Variants in MALRD1 observed in about 807,000 individuals in gnomAD.
MALRD1 encodes the protein MAM and LDL receptor class A domain containing 1.
A neutral mutation model predicts 242.1 loss-of-function variants in MALRD1; 247 were observed. The ratio of observed to expected loss-of-function variants is 1.02; its 90% CI spans 0.92 to 1.13. MALRD1 has a LOEUF of 1.13. Ranked by LOEUF, MALRD1 falls within the 50% of genes most tolerant of loss-of-function variation. The pLI is 0.00. For synonymous variants in MALRD1, 995 were observed against 866.6 expected (o/e 1.15, Z -2.60); for missense variants, 2,989 against 2,533.1 (o/e 1.18, Z -3.86).
intron 13 of MALRD1, among the ~76,000 whole-genome samples, chr10:19,172,587 T>TC (rs1163910670): frequency 2.0e-5 from 3 of 151,494 alleles, no homozygotes; most frequent in Non-Finnish European, 4.4e-5. Context: ...CTTCACCTCA[T>TC]CCCAGGGCCC....
chr10:19,191,750 C>G (rs947368925), intron 14 of MALRD1, among the ~76,000 whole-genome samples: 8 of 152,120 alleles, frequency 5.3e-5, no homozygotes, highest in African/African-American at 1.9e-4. Flanking sequence ...GTAATCCTAG[C>G]ACTTTGGGAG....
rs114288032 is a variant in MALRD1 at position 19,116,387 on chromosome 10, A to G, written c.695-7105A>G. On this transcript the variant is annotated intron_variant, in intron 5 of 39. Transcript: ENST00000454679. ...TTATTAGAATCTGAATGATGCATAT[A>G]TATTATCCAGTTAAATAACTAAGGA... Among the ~76,000 whole-genome samples the G allele has an allele frequency of 9.6e-3, 1,455 of 152,326 alleles. 28 individuals are homozygous for G. Among genetic ancestry groups the G allele is most frequent in the African/African-American group, 0.034 (1,395 of 41,574 alleles).
At chr10:19,138,593 G>A (rs1833437529) in intron 10 of MALRD1, among the ~76,000 whole-genome samples, 1 of 151,712 alleles carries the variant, frequency 6.6e-6, no homozygotes, top group Admixed American at 6.6e-5. Context: ...GATAATTTTT[G>A]TATTTTTAGT....
chr10:19,435,159 T>G, intron 28 of MALRD1, among the ~76,000 whole-genome samples: 1 of 149,886 alleles, frequency 6.7e-6, no homozygotes, highest in South Asian at 2.1e-4. Context: ...TAATATCCTA[T>G]TTATATATAG....
chr10:19,049,342 A>G (rs546777441), intron 1 of MALRD1, among the ~76,000 whole-genome samples: 1 of 152,298 alleles, frequency 6.6e-6, no homozygotes, highest in African/African-American at 2.4e-5. Flanking sequence ...GAAGATATTC[A>G]CCTGATGGAA....
At chr10:19,529,778 A>G (rs10219024) in intron 31 of MALRD1, among the ~76,000 whole-genome samples, 15,144 of 152,100 alleles carry the variant, frequency 0.1, 2,286 homozygotes, top group African/African-American at 0.33. Flanking sequence ...ATGGAGAAAC[A>G]TATACCATGC....
intron 19 of MALRD1, among the ~76,000 whole-genome samples, chr10:19,273,261 G>C (rs1440862166): frequency 2.0e-5 from 3 of 152,064 alleles, no homozygotes; most frequent in African/African-American, 7.2e-5. Flanking sequence ...CAAGGATGTG[G>C]AGCAACAGGA....
At chr10:19,067,625 A>G (rs1362644170) in intron 2 of MALRD1, among the ~76,000 whole-genome samples, 1 of 152,130 alleles carries the variant, frequency 6.6e-6, no homozygotes, top group Non-Finnish European at 1.5e-5. Flanking sequence ...CAGTGTTTTC[A>G]TAAATATTAC....
chr10:19,096,485 G>A (rs762536270), intron 4 of MALRD1, among the ~76,000 whole-genome samples: 7 of 152,090 alleles, frequency 4.6e-5, no homozygotes, highest in South Asian at 2.1e-4. Context: ...CGACTCTCTC[G>A]GGATCCTTCG....
chr10:19,276,665 A>C (rs1284950548), intron 19 of MALRD1, among the ~76,000 whole-genome samples: 1 of 151,874 alleles, frequency 6.6e-6, no homozygotes, highest in African/African-American at 2.4e-5. Context: ...TCCCTTTTTA[A>C]TTTTTTTTCA....
rs370420082 is a variant in MALRD1 at position 19,120,714 on chromosome 10, A to G, written c.695-2778A>G. 4.7e-4 allele frequency among the ~76,000 whole-genome samples: 72 copies of G among 152,302 alleles called. No individual in the cohort carries two copies. In the South Asian group the frequency reaches 0.015, roughly 31 times the overall value. On this transcript the variant is annotated intron_variant, in intron 5 of 39. Transcript: ENST00000454679. The stretch of plus-strand genomic sequence containing the variant: ...TAGTTTGATGATTGCACAACATTTC[A>G]AATTTAATAAAAGCCACTGACTTGT...
At chr10:19,708,386 A>G (rs1441638466) in intron 38 of MALRD1, among the ~76,000 whole-genome samples, 2 of 102,628 alleles carry the variant, frequency 1.9e-5, no homozygotes, top group African/African-American at 6.2e-5. Flanking sequence ...TGCCCATGCT[A>G]AAGTGCAAGG....
At chr10:19,669,830 A>T (rs1841833387) in intron 36 of MALRD1, among the ~76,000 whole-genome samples, 1 of 152,180 alleles carries the variant, frequency 6.6e-6, no homozygotes, top group Non-Finnish European at 1.5e-5. Context: ...GCTTGGAGGC[A>T]GTGAGTGAAT....
chr10:19,376,028 AG>A (rs1216893611), intron 26 of MALRD1, among the ~76,000 whole-genome samples: 19 of 152,140 alleles, frequency 1.2e-4, no homozygotes, highest in Non-Finnish European at 2.8e-4. Context: ...AGGCTGAGGC[AG>A]GGGAATTGGT....
At chr10:19,255,969 T>G (rs1323172526) in intron 18 of MALRD1, among the ~76,000 whole-genome samples, 1 of 151,900 alleles carries the variant, frequency 6.6e-6, no homozygotes, top group South Asian at 2.1e-4. Context: ...CAATAAAAAG[T>G]CTTGGAACAA....
intron 28 of MALRD1, among the ~76,000 whole-genome samples, chr10:19,391,655 G>C (rs775388922): frequency 1.3e-5 from 2 of 152,186 alleles, no homozygotes; most frequent in African/African-American, 2.4e-5. Context: ...CAATCGGGAA[G>C]ACTCGACCTT....
intron 21 of MALRD1, among the ~76,000 whole-genome samples, chr10:19,321,523 C>G (rs1172097978): frequency 6.6e-6 from 1 of 152,026 alleles, no homozygotes; most frequent in East Asian, 1.9e-4. Flanking sequence ...GTAAATAGCT[C>G]CAGAGTACAT....
chr10:19,375,669 ATTG>A (rs1237762772), intron 26 of MALRD1, among the ~76,000 whole-genome samples: 1 of 152,218 alleles, frequency 6.6e-6, no homozygotes, highest in Non-Finnish European at 1.5e-5. Context: ...TGTGAGAGTA[ATTG>A]GTTCCTTGTT....
chr10:19,074,260 A>C (rs570635137), intron 2 of MALRD1, among the ~76,000 whole-genome samples: 1 of 152,178 alleles, frequency 6.6e-6, no homozygotes, highest in East Asian at 1.9e-4. Flanking sequence ...AGAGACATTG[A>C]TGGATGTTAT....
Sources: allele counts gnomAD v4.1 joint callset (sites outside exome capture counted in the v4.1 genomes callset), GRCh38; gene constraint gnomAD v4.1.1; transcripts MANE v1.5; gene names NCBI Gene and HGNC (gene_info 2026-07-23, HGNC 2026-07-21).